Variants in ESR1 observed in about 807,000 individuals in gnomAD.
The protein encoded by ESR1 is estrogen receptor 1, also known as estrogen receptor.
ESR1 carries 12 observed loss-of-function variants against 52.7 expected under a neutral mutation model. The ratio of observed to expected loss-of-function variants is 0.23; its 90% CI spans 0.15 to 0.37. The LOEUF is 0.37. Among genes scored for constraint, ESR1 ranks in the 10% least tolerant of loss-of-function variants. The probability of loss-of-function intolerance (pLI) is 1.00; values close to 1 mark genes in which losing one functional copy is unlikely to be tolerated. For synonymous variants in ESR1, 305 were observed against 316.8 expected (o/e 0.96, Z 0.39); for missense variants, 584 against 779.7 (o/e 0.75, Z 2.99).
intron 4 of ESR1, among the ~76,000 whole-genome samples, chr6:151,984,654 C>G (rs2040288983): frequency 6.6e-6 from 1 of 151,884 alleles, no homozygotes. Flanking sequence ...TTCTATGACA[C>G]TGTTTTTTCA....
At chr6:151,726,502 T>G (rs977306275) in intron 2 of ESR1, among the ~76,000 whole-genome samples, 8 of 152,172 alleles carry the variant, frequency 5.3e-5, no homozygotes, top group African/African-American at 1.7e-4. Flanking sequence ...CGGCTAATTT[T>G]TGTGTGTGTG....
intron 5 of ESR1, among the ~76,000 whole-genome samples, chr6:152,014,770 C>G (rs1344537660): frequency 6.6e-6 from 1 of 152,112 alleles, no homozygotes; most frequent in Non-Finnish European, 1.5e-5. Flanking sequence ...CTTGGTCCTG[C>G]TACTCTTTCT....
rs560249480 is a variant in ESR1 at position 151,843,947 on chromosome 6, C to T, written c.643+1160C>T. Among the ~76,000 whole-genome samples, 7 of 149,604 alleles carry T rather than the reference C, an allele frequency of 4.7e-5. No individual in the cohort carries two copies. The South Asian group carries it at 8.4e-4, about 18-fold the overall frequency. ...TTTTAAAAGCTGTTCATATCTTAAT[C>T]GAGTAGCATGTGAGGTCAACATGGT... is the stretch of plus-strand genomic sequence containing the variant. On this transcript the variant is annotated intron_variant, in intron 2 of 7. Coordinates refer to ENST00000206249, the MANE Select transcript of ESR1 (RefSeq NM_000125.4).
chr6:151,773,772 G>A (rs941194745), intron 2 of ESR1, among the ~76,000 whole-genome samples: 2 of 152,192 alleles, frequency 1.3e-5, no homozygotes, highest in African/African-American at 4.8e-5. Context: ...CTTAAGAATG[G>A]AATCTAATCA....
rs570605126 is a variant in ESR1, at chr6:151,876,977, A to C, written c.644-3678A>C. ...CCTGTCTTTTCAGTTAAAAAAAAAC[A>C]CACACACACACACTGCTATGTTTCA... is the stretch of plus-strand genomic sequence containing the variant. On this transcript the variant is annotated intron_variant, in intron 2 of 7. Transcript: ENST00000206249. 7.9e-3 allele frequency among the ~76,000 whole-genome samples: 1,159 copies of C among 145,820 alleles called. 15 individuals carry two copies. Among genetic ancestry groups the C allele is most frequent in the African/African-American group, 0.028 (1,093 of 39,086 alleles).
intron 2 of ESR1, among the ~76,000 whole-genome samples, chr6:151,752,291 T>C (rs956687936): frequency 3.9e-5 from 6 of 152,148 alleles, no homozygotes; most frequent in Admixed American, 6.5e-5. Flanking sequence ...TCTGAGATAA[T>C]AAAGAAAAAT....
chr6:151,990,736 A>G lies in ESR1; in HGVS notation c.1097-20920A>G, dbSNP rs1045141539. 5.9e-5 allele frequency among the ~76,000 whole-genome samples: 9 copies of G among 152,292 alleles called. No individual in the cohort carries two copies. In the East Asian group the frequency reaches 1.7e-3, roughly 29 times the overall value. On this transcript the variant is annotated intron_variant, in intron 4 of 7. Transcript: ENST00000206249. Reference sequence around the variant, plus strand: ...GGACAGTGAGAACCATTCTCCACACAATAACGAAATGACGTCTTCTCAACC... The same window carrying G: ...GGACAGTGAGAACCATTCTCCACACGATAACGAAATGACGTCTTCTCAACC...
At chr6:151,856,582 A>G (rs1166237190) in intron 2 of ESR1, among the ~76,000 whole-genome samples, 2 of 138,066 alleles carry the variant, frequency 1.4e-5, no homozygotes, top group Admixed American at 7.1e-5. Context: ...TTTATCAATT[A>G]TATACAACGT....
chr6:151,772,517 G>T (rs1202821086), intron 2 of ESR1, among the ~76,000 whole-genome samples: 2 of 152,136 alleles, frequency 1.3e-5, no homozygotes, highest in Non-Finnish European at 2.9e-5. Context: ...CAAACTCTAT[G>T]GCAGATTCTT....
chr6:151,841,489 A>G (rs537048429), intron 1 of ESR1, among the ~76,000 whole-genome samples: 17 of 152,240 alleles, frequency 1.1e-4, no homozygotes, highest in African/African-American at 3.6e-4. Flanking sequence ...CATCCTCTCC[A>G]TAAACCTTTC....
At position 151,808,312 on chromosome 6, in the gene ESR1, A is replaced by G; in HGVS notation, c.400A>G (p.Asn134Asp). 1 of 1,564,546 alleles carries G rather than the reference A, an allele frequency of 6.4e-7. No homozygotes were observed. Among genetic ancestry groups the G allele is most frequent in the Non-Finnish European group, 8.6e-7 (1 of 1,157,948 alleles). ...CCAGCAGGTGCCCTACTACCTGGAG[A>G]ACGAGCCCAGCGGCTACACGGTGCG... ...HGQQVPYYLENEPSGYTVREA... is the reference protein window; with the variant it reads ...HGQQVPYYLEDEPSGYTVREA... The change falls in exon 1 of 8, where the codon AAC becomes GAC. Residue 134 changes from asparagine (N) to aspartate (D), a missense_variant. Transcript: ENST00000206249.
At chr6:151,756,655 T>G (rs1369273992) in intron 2 of ESR1, among the ~76,000 whole-genome samples, 2 of 152,246 alleles carry the variant, frequency 1.3e-5, no homozygotes, top group Admixed American at 6.5e-5. Flanking sequence ...TCAATTATAG[T>G]TTTTGAATAA....
intron 6 of ESR1, among the ~76,000 whole-genome samples, chr6:152,093,317 A>G (rs893784603): frequency 2.0e-5 from 3 of 147,938 alleles, no homozygotes; most frequent in Admixed American, 1.3e-4. Context: ...TGTGACTACT[A>G]CCTACTACCT....
At chr6:151,779,707 A>G (rs1479368456) in intron 2 of ESR1, among the ~76,000 whole-genome samples, 3 of 151,944 alleles carry the variant, frequency 2.0e-5, no homozygotes, top group Non-Finnish European at 4.4e-5. Flanking sequence ...TCATTCTACT[A>G]TAAAGACACA....
intron 2 of ESR1, among the ~76,000 whole-genome samples, chr6:151,860,477 T>C (rs551635814): frequency 2.0e-5 from 3 of 152,294 alleles, no homozygotes; most frequent in East Asian, 3.9e-4. Context: ...GTGTGATATA[T>C]ATAGAGGGAG....
At chr6:151,777,238 C>T (rs554531873) in intron 2 of ESR1, among the ~76,000 whole-genome samples, 14 of 151,528 alleles carry the variant, frequency 9.2e-5, no homozygotes, top group African/African-American at 2.9e-4. Context: ...CTGCCTCACC[C>T]TCCTGATTAC....
intron 1 of ESR1, among the ~76,000 whole-genome samples, chr6:151,691,747 T>C (rs1320070524): frequency 6.6e-6 from 1 of 152,240 alleles, no homozygotes; most frequent in Admixed American, 6.5e-5. Context: ...AACTGAATTC[T>C]GAAACGTACA....
intron 3 of ESR1, among the ~76,000 whole-genome samples, chr6:151,883,790 C>T (rs1793365662): frequency 6.6e-6 from 1 of 151,992 alleles, no homozygotes; most frequent in African/African-American, 2.4e-5. Flanking sequence ...TTTCCCGAGG[C>T]CTCTCTCCTT....
upstream of ESR1, among the ~76,000 whole-genome samples, chr6:151,803,479 G>A (rs191029360): frequency 1.3e-3 from 198 of 152,218 alleles, 2 homozygotes; most frequent in Middle Eastern, 0.01. Flanking sequence ...GGTTACAGTC[G>A]GAGGAGATGG....
Sources: allele counts gnomAD v4.1 joint callset (sites outside exome capture counted in the v4.1 genomes callset), GRCh38; gene constraint gnomAD v4.1.1; transcripts MANE v1.5; gene names NCBI Gene and HGNC (gene_info 2026-07-23, HGNC 2026-07-21).